Variants in ZNF254 observed in about 807,000 individuals in gnomAD.
ZNF254 encodes the protein zinc finger protein 254.
ZNF254 carries 10 observed loss-of-function variants against 12.4 expected under a neutral mutation model. The ratio of observed to expected loss-of-function variants is 0.80; its 90% CI spans 0.50 to 1.36. The LOEUF (loss-of-function observed/expected upper bound fraction) is 1.36. ZNF254 is among the 40% of genes most tolerant of loss of function. ZNF254 has a pLI of 0.00. For missense variants in ZNF254, 996 were observed against 763.9 expected (o/e 1.30, Z -3.58); for synonymous variants, 305 against 253.4 (o/e 1.20, Z -1.93).
intron 3 of ZNF254, among the ~76,000 whole-genome samples, chr19:24,112,393 AG>A (rs1222545395): frequency 6.8e-6 from 1 of 146,168 alleles, no homozygotes; most frequent in Non-Finnish European, 1.5e-5. Context: ...TGATGCCTCC[AG>A]CTTTGTTCTT....
chr19:24,065,888 A>G (rs2145444753), intron 2 of ZNF254: 1 of 152,322 alleles, frequency 6.6e-6, no homozygotes, highest in Admixed American at 6.5e-5. Flanking sequence ...GCCTGCCTAC[A>G]GGGGACCTTG....
intron 2 of ZNF254, among the ~76,000 whole-genome samples, chr19:24,071,256 C>G (rs578005175): frequency 6.6e-6 from 1 of 152,296 alleles, no homozygotes; most frequent in South Asian, 2.1e-4. Flanking sequence ...TGGGCCCTGA[C>G]CAAGAAGGGG....
At chr19:24,073,289 C>T (rs1971545397) in intron 2 of ZNF254, among the ~76,000 whole-genome samples, 1 of 152,186 alleles carries the variant, frequency 6.6e-6, no homozygotes, top group Non-Finnish European at 1.5e-5. Flanking sequence ...CATGCCACTA[C>T]AGTTAACATG....
chr19:24,044,935 G>T (rs1970321650), intron 1 of ZNF254, among the ~76,000 whole-genome samples: 1 of 152,214 alleles, frequency 6.6e-6, no homozygotes, highest in Non-Finnish European at 1.5e-5. Context: ...TTTGATGTTA[G>T]AGAACTATAC....
At position 24,126,363 on chromosome 19, in the gene ZNF254, G is replaced by A. The variant is rs1415860536; in HGVS notation, c.363G>A (p.Gln121=). 4 of 1,609,370 alleles carry A rather than the reference G, an allele frequency of 2.5e-6. No individual in the cohort carries two copies. The highest frequency in any genetic ancestry group is 8.5e-7 in the Non-Finnish European group (1 of 1,178,330). ...RYGKYGHENL[Q]LRKGCKSVDE... is the part of the protein sequence containing the mutation. ...GAAAATATGGACATGAGAATTTACA[G>A]TTAAGAAAAGGCTGTAAAAGTGTGG... The change falls in exon 4 of 4, where the codon CAG becomes CAA. Residue 121 remains glutamine (Q), a synonymous_variant. Coordinates refer to ENST00000357002, the MANE Select transcript of ZNF254 (RefSeq NM_203282.4).
chr19:24,039,342 C>A (rs1301748319), intron 1 of ZNF254, among the ~76,000 whole-genome samples: 1 of 152,246 alleles, frequency 6.6e-6, no homozygotes, highest in Non-Finnish European at 1.5e-5. Context: ...CCACAACTGT[C>A]CAGAGCCATG....
chr19:24,036,092 C>T (rs1220299257), intron 1 of ZNF254, among the ~76,000 whole-genome samples: 2 of 152,042 alleles, frequency 1.3e-5, no homozygotes, highest in Non-Finnish European at 2.9e-5. Flanking sequence ...GATGGAGGCT[C>T]ACTCTGTCGC....
intron 3 of ZNF254, among the ~76,000 whole-genome samples, chr19:24,109,228 C>T (rs952866742): frequency 1.3e-5 from 2 of 152,184 alleles, no homozygotes; most frequent in Non-Finnish European, 2.9e-5. Flanking sequence ...AAAAGTTTCT[C>T]ATTAGCATCT....
intron 2 of ZNF254, chr19:24,064,764 T>C (rs1971209215): frequency 6.6e-6 from 1 of 152,144 alleles, no homozygotes; most frequent in African/African-American, 2.4e-5. Context: ...CAACCTCAGG[T>C]GATCCACCGA....
In ZNF254 at chr19:24,106,623, A is replaced by G; in HGVS notation, c.233A>G (p.Glu78Gly). 1 of 1,583,602 alleles carries G rather than the reference A, an allele frequency of 6.3e-7. No individual in the cohort carries two copies. The highest frequency in any genetic ancestry group is 8.6e-7 in the Non-Finnish European group (1 of 1,162,924). The change falls in exon 3 of 4, where the codon GAG (glutamate) becomes GGG (glycine). Residue 78 changes from glutamate (E) to glycine (G), a missense_variant. By Grantham distance (98) the Glu-to-Gly change is moderately conservative. Coordinates refer to ENST00000357002, the MANE Select transcript of ZNF254 (RefSeq NM_203282.4). ...GAGCCCTGGAATATGAAGCGACATG[A>G]GATGGTGGATGAACCCCCAGGTAGG... Reference protein sequence around the residue: ...GKEPWNMKRHEMVDEPPGMCP... With the variant: ...GKEPWNMKRHGMVDEPPGMCP...
intron 2 of ZNF254, chr19:24,049,069 TCTACCTACCTAA>T (rs887830837): frequency 2.8e-5 from 4 of 140,770 alleles, no homozygotes; most frequent in African/African-American, 1.0e-4. Context: ...TGTCTGTCTG[TCTACCTACCTAA>T]CTACCTACCT....
At chr19:24,101,045 T>C (rs1485398541) in intron 1 of ZNF254, among the ~76,000 whole-genome samples, 1 of 152,184 alleles carries the variant, frequency 6.6e-6, no homozygotes. Context: ...CAGGCTGGTC[T>C]CGAACTCCCA....
At chr19:24,096,997 C>T (rs1972708789) in intron 1 of ZNF254, among the ~76,000 whole-genome samples, 1 of 152,056 alleles carries the variant, frequency 6.6e-6, no homozygotes. Context: ...GAGGCTTGGT[C>T]CACATTAAGA....
intron 2 of ZNF254, among the ~76,000 whole-genome samples, chr19:24,057,486 A>T (rs1970903147): frequency 1.3e-5 from 2 of 152,176 alleles, no homozygotes; most frequent in African/African-American, 4.8e-5. Flanking sequence ...GTCACAAAAG[A>T]TTGCGACTCT....
chr19:24,108,090 C>G (rs1349428162), intron 3 of ZNF254, among the ~76,000 whole-genome samples: 1 of 152,130 alleles, frequency 6.6e-6, no homozygotes, highest in African/African-American at 2.4e-5. Context: ...TCACTGAGTA[C>G]AGGAGAGGAT....
At chr19:24,060,064 T>C (rs1971010829) in intron 2 of ZNF254, among the ~76,000 whole-genome samples, 1 of 152,146 alleles carries the variant, frequency 6.6e-6, no homozygotes, top group Admixed American at 6.5e-5. Flanking sequence ...CACAGGAATA[T>C]TGTGACATAT....
intron 3 of ZNF254, among the ~76,000 whole-genome samples, 185 bp from the exon 4 acceptor site, chr19:24,126,068 TC>T (rs1974813257): frequency 6.6e-6 from 1 of 152,204 alleles, no homozygotes; most frequent in South Asian, 2.1e-4. Context: ...TTATGAATTT[TC>T]CACAGATGTA....
intron 1 of ZNF254, among the ~76,000 whole-genome samples, chr19:24,033,873 C>T (rs2145138248): frequency 6.6e-6 from 1 of 152,342 alleles, no homozygotes; most frequent in Non-Finnish European, 1.5e-5. Flanking sequence ...CCAGATTGTT[C>T]AGGGATGCCA....
At chr19:24,102,272 C>A in intron 1 of ZNF254, among the ~76,000 whole-genome samples, 2 of 126,014 alleles carry the variant, frequency 1.6e-5, no homozygotes, top group Admixed American at 8.5e-5. Context: ...TATTTATCTT[C>A]TAAATTATTC....
Sources: gnomAD v4.1 joint callset for allele counts (sites outside exome capture counted in the v4.1 genomes callset) on GRCh38, gnomAD v4.1.1 for gene constraint, MANE v1.5 for transcripts, NCBI Gene and HGNC (gene_info 2026-07-23, HGNC 2026-07-21) for gene names.